Variants in SCUBE2 observed in about 807,000 individuals in gnomAD.
The protein encoded by SCUBE2 is signal peptide, CUB and EGF-like domain-containing protein 2.
In SCUBE2, 114 loss-of-function variants were observed where a neutral mutation model predicts 125.9. That is an observed-to-expected ratio of 0.91 (90% confidence interval 0.78 to 1.06). The LOEUF is 1.06. SCUBE2 is among the 50% of genes least tolerant of loss of function. SCUBE2 has a pLI of 0.00. For synonymous variants in SCUBE2, 459 were observed against 492.9 expected (o/e 0.93, Z 0.91); for missense variants, 1,255 against 1,301.8 (o/e 0.96, Z 0.55).
chr11:9,081,684 A>ATC (rs1489488493), intron 2 of SCUBE2, among the ~76,000 whole-genome samples: 1 of 151,786 alleles, frequency 6.6e-6, no homozygotes, highest in Non-Finnish European at 1.5e-5. Context: ...AAAAAAAAAA[A>ATC]ACCAAAAATA....
intron 3 of SCUBE2, among the ~76,000 whole-genome samples, chr11:9,079,026 G>C (rs138128371): frequency 6.6e-6 from 1 of 151,444 alleles, no homozygotes; most frequent in Non-Finnish European, 1.5e-5. Context: ...TCAGGACAAG[G>C]AGTTTTTCCA....
chr11:9,085,703 G>A (rs1388621833), intron 2 of SCUBE2, among the ~76,000 whole-genome samples: 1 of 151,968 alleles, frequency 6.6e-6, no homozygotes, highest in East Asian at 1.9e-4. Context: ...TCCAGCCTGG[G>A]TGACAAAGCG....
rs1855245282 is a variant in SCUBE2, at chr11:9,020,948, G to C, written c.*97C>G. 1.9e-6 allele frequency: 2 copies of C among 1,055,154 alleles called. No homozygotes were observed. Among genetic ancestry groups the C allele is most frequent in the Admixed American group, 5.4e-5 (2 of 37,128 alleles). The allele number at this position is 1,055,154 out of a possible 1,614,324, so 65.4% of individuals were successfully genotyped here. On this transcript the variant is annotated 3_prime_UTR_variant, in exon 23 of 23. Transcript: ENST00000649792. ...CTCTAATGAGTCACTGATACGGGAGGCAGCAATACCCGACTGTGCTGACAT... is the reference window on the plus strand; with the variant it reads ...CTCTAATGAGTCACTGATACGGGAGCCAGCAATACCCGACTGTGCTGACAT...
Position 9,029,906 on chromosome 11 carries a change from G to C in SCUBE2, c.2481C>G (p.Ser827=). 6.2e-7 allele frequency: 1 copy of C among 1,614,136 alleles called. No homozygotes were observed. The highest frequency in any genetic ancestry group is 8.5e-7 in the Non-Finnish European group (1 of 1,180,026). ...TACTTTTACACTGGGTTATGTTTGT[G>C]GAGCCATCAAAGTCAGTCGTAGTAT... The part of the protein sequence containing the change: ...PGNTTTDFDG[S]TNITQCKNRR... The change falls in exon 19 of 23, where the codon TCC becomes TCG. Residue 827 remains serine (S), a synonymous_variant. Transcript: ENST00000649792.
At chr11:9,047,693 G>A in intron 15 of SCUBE2, 131 bp from the exon 16 acceptor site, 2 of 986,768 alleles carry the variant, frequency 2.0e-6, no homozygotes, top group East Asian at 2.6e-5. Flanking sequence ...CCTGGAGGGG[G>A]CACCTAGCAG....
At chr11:9,060,802 G>A (rs1229537149) in intron 7 of SCUBE2, among the ~76,000 whole-genome samples, 2 of 152,180 alleles carry the variant, frequency 1.3e-5, no homozygotes, top group African/African-American at 2.4e-5. Flanking sequence ...GCCACTGAAA[G>A]TTCCTGCTGA....
intron 1 of SCUBE2, among the ~76,000 whole-genome samples, chr11:9,090,044 A>G (rs915112239): frequency 2.0e-5 from 3 of 151,994 alleles, no homozygotes; most frequent in Non-Finnish European, 2.9e-5. Flanking sequence ...ACCATCACCT[A>G]CTGGCCTTCA....
intron 2 of SCUBE2, among the ~76,000 whole-genome samples, chr11:9,087,904 AT>A (rs1166672560): frequency 3.3e-5 from 5 of 152,210 alleles, no homozygotes; most frequent in Non-Finnish European, 1.5e-5. Flanking sequence ...CTACTTGGTC[AT>A]CTGTATATTC....
chr11:9,044,563 G>A (rs904327786), intron 16 of SCUBE2, among the ~76,000 whole-genome samples: 1 of 152,134 alleles, frequency 6.6e-6, no homozygotes, highest in African/African-American at 2.4e-5. Flanking sequence ...CTATTCATAC[G>A]TAAACCTACA....
At chr11:9,066,604 C>G in intron 6 of SCUBE2, 93 bp downstream of exon 6, 1 of 1,030,666 alleles carries the variant, frequency 9.7e-7, no homozygotes, top group Non-Finnish European at 1.5e-6. Context: ...GCACAGGAAA[C>G]AGCCTGCATC....
At chr11:9,077,532 T>C (rs1861299108) in intron 3 of SCUBE2, among the ~76,000 whole-genome samples, 1 of 152,182 alleles carries the variant, frequency 6.6e-6, no homozygotes, top group African/African-American at 2.4e-5. Flanking sequence ...AATGTGTGGT[T>C]AGGAGGCTGA....
At chr11:9,074,109 G>A (rs890706172) in intron 4 of SCUBE2, among the ~76,000 whole-genome samples, 2 of 152,198 alleles carry the variant, frequency 1.3e-5, no homozygotes, top group African/African-American at 4.8e-5. Context: ...ACCCAGAGCA[G>A]GGAGCAGGCT....
In SCUBE2 at chr11:9,065,928, C is replaced by T. The variant is rs552245226; in HGVS notation, c.813G>A (p.Val271=). 44 of 1,614,196 alleles carry T rather than the reference C, an allele frequency of 2.7e-5. No homozygotes were observed. The East Asian group carries it at 8.7e-4, about 32-fold the overall frequency. The change falls in exon 7 of 23, where the codon GTG becomes GTA. Residue 271 remains valine, a synonymous_variant. Transcript: ENST00000649792. Reference sequence around the variant, plus strand: ...GCCGTTTCACCCGTTTATCCCCATCCACCACTGATGTGGTGTTGCTCTCTG... The same window carrying T: ...GCCGTTTCACCCGTTTATCCCCATCTACCACTGATGTGGTGTTGCTCTCTG... ...EVTESNTTSV[V]DGDKRVKRRL...
intron 4 of SCUBE2, among the ~76,000 whole-genome samples, chr11:9,073,006 G>T (rs891184323): frequency 6.6e-6 from 1 of 152,178 alleles, no homozygotes; most frequent in Non-Finnish European, 1.5e-5. Flanking sequence ...TTGTAACTGG[G>T]TGGGACCCAG....
At chr11:9,079,343 G>A (rs1861446918) in intron 3 of SCUBE2, 41 bp downstream of exon 3, 1 of 1,612,170 alleles carries the variant, frequency 6.2e-7, no homozygotes. Flanking sequence ...AAAGGGGTGG[G>A]AGAGTGAAGG....
intron 18 of SCUBE2, chr11:9,030,476 G>C: frequency 2.2e-6 from 1 of 452,420 alleles, no homozygotes; most frequent in South Asian, 2.7e-5. Context: ...GATGGAGGAG[G>C]GCTAGAGGAA....
In SCUBE2 at chr11:9,091,461, GGCAGCAGCAGCA is replaced by G. The variant is rs59844091; in HGVS notation, c.56_67del (p.Leu19_Leu22del). ...GGCCCCCGCCAGCAGCAGCAGTGGC[GGCAGCAGCAGCA>G]GCAGCAGCAGCACCGCCCAGGCCGC... On this transcript the variant is annotated inframe_deletion, in exon 1 of 23. Coordinates refer to ENST00000649792, the MANE Select transcript of SCUBE2 (RefSeq NM_001367977.2). This position sits in a 1 kb window ranked among gnomAD's most constrained non-coding sequence, Gnocchi z 8.5. The G allele has an allele frequency of 4.3e-5, 53 of 1,223,118 alleles. No homozygotes were observed. Among genetic ancestry groups the G allele is most frequent in the African/African-American group, 6.6e-5 (4 of 60,930 alleles). 75.8% of individuals were successfully genotyped at this position (1,223,118 alleles called of 1,614,324 possible).
chr11:9,024,614 C>T (rs1362389355), intron 21 of SCUBE2, among the ~76,000 whole-genome samples: 1 of 152,190 alleles, frequency 6.6e-6, no homozygotes, highest in African/African-American at 2.4e-5. Context: ...CTCTCACTGC[C>T]AAGCCCCACA....
chr11:9,024,421 A>G, intron 21 of SCUBE2: 1 of 1,286,348 alleles, frequency 7.8e-7, no homozygotes, highest in Non-Finnish European at 1.0e-6. Context: ...CATCTGTAGG[A>G]CAAAGATGAT....
Sources: gnomAD v4.1 joint callset for allele counts (sites outside exome capture counted in the v4.1 genomes callset) on GRCh38, gnomAD v4.1.1 for gene constraint, Gnocchi (gnomAD v3.1) non-coding constraint, MANE v1.5 for transcripts, NCBI Gene and HGNC (gene_info 2026-07-23, HGNC 2026-07-21) for gene names.